The following SLC25A21 variants were observed in gnomAD, a reference collection of about 807,000 sequenced individuals.
The protein encoded by SLC25A21 is solute carrier family 25 member 21.
Under a neutral mutation model 43.8 loss-of-function variants are expected in SLC25A21, and 47 were observed. The observed-to-expected ratio is 1.07, with a 90% confidence interval of 0.85 to 1.37. The LOEUF (loss-of-function observed/expected upper bound fraction) is 1.37. Among genes scored for constraint, SLC25A21 ranks in the 40% most tolerant of loss-of-function variants. The pLI, the probability that SLC25A21 is intolerant of heterozygous loss-of-function variation, is 0.00. For missense variants in SLC25A21, 352 were observed against 350.2 expected (o/e 1.00, Z -0.04); for synonymous variants, 131 against 121.3 (o/e 1.08, Z -0.52).
chr14:36,681,524 A>G (rs1882258862), intron 9 of SLC25A21, among the ~76,000 whole-genome samples: 1 of 152,218 alleles, frequency 6.6e-6, no homozygotes, highest in African/African-American at 2.4e-5. Context: ...TATTTGATGC[A>G]GTAAATAGCA....
intron 1 of SLC25A21, among the ~76,000 whole-genome samples, chr14:36,893,307 G>C (rs1043371426): frequency 6.6e-6 from 1 of 152,188 alleles, no homozygotes; most frequent in Non-Finnish European, 1.5e-5. Context: ...CAGTGATGGT[G>C]AGCATTTTTT....
chr14:37,164,250 A>G (rs1435557450), intron 1 of SLC25A21, among the ~76,000 whole-genome samples: 3 of 152,170 alleles, frequency 2.0e-5, no homozygotes, highest in Non-Finnish European at 1.5e-5. Context: ...ATTTTCTTAA[A>G]GAGAGACAAG....
chr14:36,731,924 G>A (rs1469721353), intron 4 of SLC25A21, among the ~76,000 whole-genome samples: 7 of 152,072 alleles, frequency 4.6e-5, no homozygotes, highest in Non-Finnish European at 7.4e-5. Context: ...TCCCTGTCCC[G>A]GGGCCTGAAA....
chr14:36,702,341 C>CA (rs997532301), intron 7 of SLC25A21, among the ~76,000 whole-genome samples: 1 of 151,246 alleles, frequency 6.6e-6, no homozygotes, highest in African/African-American at 2.4e-5. Flanking sequence ...ACATTGTTTC[C>CA]AAAAAAGACC....
chr14:37,046,562 G>A (rs1192382808), intron 1 of SLC25A21, among the ~76,000 whole-genome samples: 2 of 152,120 alleles, frequency 1.3e-5, no homozygotes, highest in East Asian at 1.9e-4. Flanking sequence ...TGATAATACT[G>A]TTAAATCCTG....
chr14:37,153,767 G>A (rs1000460429), intron 1 of SLC25A21, among the ~76,000 whole-genome samples: 13 of 152,134 alleles, frequency 8.5e-5, no homozygotes, highest in Admixed American at 2.6e-4. Context: ...CAAGCCCCAC[G>A]AGCCTAGCTT....
intron 1 of SLC25A21, among the ~76,000 whole-genome samples, chr14:36,949,371 G>A (rs1375703966): frequency 6.6e-6 from 1 of 152,200 alleles, no homozygotes. Flanking sequence ...GTATCCCAAT[G>A]AAGATTTTTA....
At chr14:36,820,039 T>C (rs1439386516) in intron 2 of SLC25A21, among the ~76,000 whole-genome samples, 2 of 152,194 alleles carry the variant, frequency 1.3e-5, no homozygotes, top group Non-Finnish European at 2.9e-5. Flanking sequence ...ATATGATTAT[T>C]TGGGGTGCTT....
intron 1 of SLC25A21, among the ~76,000 whole-genome samples, chr14:37,135,148 G>T (rs150013431): frequency 0.057 from 8,617 of 152,108 alleles, 827 homozygotes; most frequent in African/African-American, 0.2. Flanking sequence ...GGCTGATCTC[G>T]AACTCCTGAC....
chr14:36,978,257 G>C (rs902429004), intron 1 of SLC25A21, among the ~76,000 whole-genome samples: 2 of 152,090 alleles, frequency 1.3e-5, no homozygotes, highest in Admixed American at 1.3e-4. Context: ...TTTGGTTCTA[G>C]ACTACTACAA....
chr14:36,698,944 G>A (rs759814630), intron 7 of SLC25A21, among the ~76,000 whole-genome samples: 2 of 152,044 alleles, frequency 1.3e-5, no homozygotes, highest in African/African-American at 2.4e-5. Flanking sequence ...CTCATTCTCC[G>A]TTCAGCTTTG....
At chr14:37,071,730 T>C (rs78828770) in intron 1 of SLC25A21, among the ~76,000 whole-genome samples, 178 of 152,304 alleles carry the variant, frequency 1.2e-3, no homozygotes, top group African/African-American at 4.0e-3. Context: ...TAAGCATGCT[T>C]TCAAGATTCA....
At chr14:36,923,425 T>C (rs1892036406) in intron 1 of SLC25A21, among the ~76,000 whole-genome samples, 1 of 152,092 alleles carries the variant, frequency 6.6e-6, no homozygotes, top group Admixed American at 6.6e-5. Context: ...CTATAAGAAA[T>C]ACTAAAAGAA....
chr14:36,786,324 T>C (rs1184901350), intron 3 of SLC25A21, among the ~76,000 whole-genome samples: 3 of 152,242 alleles, frequency 2.0e-5, no homozygotes, highest in Non-Finnish European at 4.4e-5. Context: ...TCAAATATAA[T>C]TGATATGCTG....
At chr14:36,982,838 C>CAAACAAAACA (rs150239734) in intron 1 of SLC25A21, among the ~76,000 whole-genome samples, 54,844 of 151,336 alleles carry the variant, frequency 0.36, 13,643 homozygotes, top group African/African-American at 0.71. Context: ...ACAACAACAA[C>CAAACAAAACA]AAACAAAACA....
At chr14:36,725,746 A>C in intron 5 of SLC25A21, 69 bp from the exon 6 acceptor site, 1 of 951,830 alleles carries the variant, frequency 1.1e-6, no homozygotes, top group Non-Finnish European at 1.5e-6. Flanking sequence ...CATCCTATTC[A>C]TTACACTATG....
chr14:36,931,912 T>G (rs966388070), intron 1 of SLC25A21, among the ~76,000 whole-genome samples: 2 of 152,136 alleles, frequency 1.3e-5, no homozygotes, highest in African/African-American at 4.8e-5. Context: ...CATAATGAAC[T>G]TTGAGCTAGA....
intron 3 of SLC25A21, among the ~76,000 whole-genome samples, chr14:36,773,025 T>G (rs76834825): frequency 0.018 from 2,803 of 152,304 alleles, 73 homozygotes; most frequent in African/African-American, 0.063. Flanking sequence ...CTGAACACCG[T>G]TCAGAAGAAA....
chr14:37,172,156 C>T (rs1420623885), intron 1 of SLC25A21, 125 bp downstream of exon 1: 26 of 1,026,804 alleles, frequency 2.5e-5, no homozygotes, highest in Non-Finnish European at 1.4e-6. Flanking sequence ...AGCACTGCTC[C>T]GGGAGCGCTG....
Sources: gnomAD v4.1 joint callset for allele counts (sites outside exome capture counted in the v4.1 genomes callset) on GRCh38, gnomAD v4.1.1 for gene constraint, MANE v1.5 for transcripts, NCBI Gene and HGNC (gene_info 2026-07-23, HGNC 2026-07-21) for gene names.